Variants in MYO5B observed in about 807,000 individuals in gnomAD.
MYO5B encodes myosin VB, also known as unconventional myosin-Vb.
A neutral mutation model predicts 229.3 loss-of-function variants in MYO5B; 143 were observed. The observed-to-expected ratio is 0.62, with a 90% CI of 0.54 to 0.72. The LOEUF (loss-of-function observed/expected upper bound fraction) is 0.72, where lower values mean the gene tolerates loss of function less well. Ranked by LOEUF, MYO5B falls within the 30% of genes least tolerant of loss-of-function variation. The pLI is 0.00. For synonymous variants in MYO5B, 918 were observed against 885.2 expected (o/e 1.04, Z -0.66); for missense variants, 2,321 against 2,331.0 (o/e 1.00, Z 0.09).
chr18:50,146,967 G>A (rs144940005), intron 1 of MYO5B, among the ~76,000 whole-genome samples: 6 of 152,054 alleles, frequency 3.9e-5, no homozygotes, highest in Non-Finnish European at 5.9e-5. Flanking sequence ...CCCTCCAATC[G>A]CCCACATAAA....
At chr18:49,928,538 G>A (rs553593660) in intron 17 of MYO5B, among the ~76,000 whole-genome samples, 3 of 152,336 alleles carry the variant, frequency 2.0e-5, no homozygotes, top group Admixed American at 2.0e-4. Flanking sequence ...CAGCTACACA[G>A]GAGACTAAGG....
At chr18:49,943,255 T>C (rs1242016839) in intron 14 of MYO5B, among the ~76,000 whole-genome samples, 2 of 148,408 alleles carry the variant, frequency 1.3e-5, no homozygotes, top group African/African-American at 2.5e-5. Context: ...TTAGGAGATA[T>C]ACCTAATGTT....
chr18:49,979,207 T>TA (rs960476768), intron 9 of MYO5B, among the ~76,000 whole-genome samples: 1 of 152,090 alleles, frequency 6.6e-6, no homozygotes, highest in African/African-American at 2.4e-5. Flanking sequence ...TCCTTCCCCC[T>TA]AAGGTGAGCA....
At position 49,974,420 on chromosome 18, in the gene MYO5B, C is replaced by T. The variant is rs969240814; in HGVS notation, c.1252G>A (p.Glu418Lys). ...GTGTGCAGGGCCTTGTTGATGTGCT[C>T]CACAATCCAGCCGAACAACTGGGCA... Reference protein sequence around the residue: ...IYAQLFGWIVEHINKALHTSL... With the variant: ...IYAQLFGWIVKHINKALHTSL... The change falls in exon 10 of 40, where the codon GAG becomes AAG. Residue 418 changes from glutamate to lysine, a missense_variant. Physicochemically the swap from Glu to Lys is moderately conservative, Grantham distance 56 (BLOSUM62 1). Around this residue, in one of 2 missense-constraint regions of MYO5B, gnomAD observed 2,113 missense variants for 2,044.7 expected, o/e 1.03. Transcript: ENST00000285039. 1 of 1,614,052 alleles carries T rather than the reference C, an allele frequency of 6.2e-7. No homozygotes were observed. The highest frequency in any genetic ancestry group is 1.3e-5 in the African/African-American group (1 of 74,920).
intron 4 of MYO5B, among the ~76,000 whole-genome samples, chr18:50,031,814 G>T (rs2026392720): frequency 6.6e-6 from 1 of 152,156 alleles, no homozygotes; most frequent in African/African-American, 2.4e-5. Flanking sequence ...AAACAGTGTT[G>T]CACAGAACAT....
At chr18:49,843,142 G>T in intron 34 of MYO5B, 99 bp downstream of exon 34, 2 of 1,479,734 alleles carry the variant, frequency 1.4e-6, no homozygotes, top group Non-Finnish European at 9.4e-7. Context: ...AGCCCTAGGA[G>T]CATTCACTAC....
chr18:50,102,373 T>G (rs919984036), intron 1 of MYO5B, among the ~76,000 whole-genome samples: 4 of 151,086 alleles, frequency 2.6e-5, no homozygotes, highest in African/African-American at 9.7e-5. Flanking sequence ...AAAAAAAGCC[T>G]CCAAATCTTA....
intron 1 of MYO5B, among the ~76,000 whole-genome samples, chr18:50,092,935 T>C (rs1002537762): frequency 6.6e-6 from 1 of 152,214 alleles, no homozygotes; most frequent in Non-Finnish European, 1.5e-5. Context: ...TTTGACAGCA[T>C]GCATTCTCTT....
intron 31 of MYO5B, among the ~76,000 whole-genome samples, chr18:49,852,838 T>C (rs1384092499): frequency 3.3e-5 from 5 of 152,220 alleles, no homozygotes; most frequent in Non-Finnish European, 2.9e-5. Flanking sequence ...GTAATACTCA[T>C]TGTTAACTCA....
At chr18:49,962,164 G>A in intron 12 of MYO5B, 102 bp downstream of exon 12, 1 of 1,495,482 alleles carries the variant, frequency 6.7e-7, no homozygotes, top group East Asian at 2.3e-5. Context: ...CACACTGAAG[G>A]CCAGCTGATC....
intron 21 of MYO5B, 106 bp downstream of exon 21, chr18:49,902,488 C>T (rs1007665335): frequency 1.3e-6 from 2 of 1,513,762 alleles, no homozygotes; most frequent in African/African-American, 2.7e-5. Flanking sequence ...GTCTGTGCTC[C>T]CTCGGGTCTT....
chr18:50,125,468 T>TAC (rs2032146154), intron 1 of MYO5B, among the ~76,000 whole-genome samples: 1 of 152,052 alleles, frequency 6.6e-6, no homozygotes, highest in Non-Finnish European at 1.5e-5. Flanking sequence ...CATTTATACA[T>TAC]ATGTAACAAA....
intron 39 of MYO5B, among the ~76,000 whole-genome samples, chr18:49,829,435 A>T (rs748853755): frequency 3.8e-4 from 58 of 152,348 alleles, no homozygotes; most frequent in African/African-American, 1.3e-3. Context: ...GAATAGACCT[A>T]TAACAAGTAA....
At chr18:49,940,574 G>C (rs541614742) in intron 14 of MYO5B, among the ~76,000 whole-genome samples, 2 of 152,298 alleles carry the variant, frequency 1.3e-5, no homozygotes, top group African/African-American at 4.8e-5. Context: ...AACTACCCAG[G>C]TCACGTCCAA....
chr18:49,939,269 C>A (rs1032605148), intron 14 of MYO5B, among the ~76,000 whole-genome samples: 3 of 151,258 alleles, frequency 2.0e-5, no homozygotes, highest in Non-Finnish European at 4.4e-5. Context: ...CCTCAGTGTC[C>A]CCAGTAGCTG....
intron 31 of MYO5B, 92 bp from the exon 32 acceptor site, chr18:49,849,752 C>A (rs979069460): frequency 2.0e-6 from 2 of 985,044 alleles, no homozygotes; most frequent in African/African-American, 1.6e-5. Context: ...GTGACCAGTG[C>A]GGCCCATGGG....
At chr18:49,938,590 T>C (rs1167158041) in intron 14 of MYO5B, among the ~76,000 whole-genome samples, 1 of 152,084 alleles carries the variant, frequency 6.6e-6, no homozygotes, top group Non-Finnish European at 1.5e-5. Context: ...CCTCTTCCTT[T>C]AACCCCCACT....
intron 14 of MYO5B, 93 bp from the exon 15 acceptor site, chr18:49,937,490 C>T (rs549281703): frequency 1.9e-4 from 270 of 1,450,686 alleles, no homozygotes; most frequent in Non-Finnish European, 2.4e-4. Flanking sequence ...TACCTGAGAA[C>T]GGAAAACACA....
At chr18:49,853,200 C>G (rs2024221922) in intron 31 of MYO5B, among the ~76,000 whole-genome samples, 1 of 152,176 alleles carries the variant, frequency 6.6e-6, no homozygotes, top group Non-Finnish European at 1.5e-5. Context: ...CAGCTCAGAC[C>G]AGTGAAATTC....
Sources: gnomAD v4.1 joint callset for allele counts (sites outside exome capture counted in the v4.1 genomes callset) on GRCh38, gnomAD v4.1.1 for gene constraint, gnomAD v4.1.1 regional missense constraint, MANE v1.5 for transcripts, NCBI Gene and HGNC (gene_info 2026-07-23, HGNC 2026-07-21) for gene names.